NCOR1: variants seen among roughly 807,000 people sequenced by gnomAD.
NCOR1 encodes the protein nuclear receptor corepressor 1.
A neutral mutation model predicts 288.1 loss-of-function variants in NCOR1; 63 were observed. That is an observed-to-expected ratio of 0.22 (90% CI 0.18 to 0.27). The LOEUF is 0.27. NCOR1 is among the 10% of genes least tolerant of loss of function. NCOR1 has a pLI of 1.00. For missense variants in NCOR1, 2,397 were observed against 3,019.2 expected (o/e 0.79, Z 4.83); for synonymous variants, 1,007 against 1,065.9 (o/e 0.94, Z 1.08).
At chr17:16,061,287 C>T in intron 37 of NCOR1, 114 bp downstream of exon 37, 1 of 1,305,000 alleles carries the variant, frequency 7.7e-7, no homozygotes, top group Non-Finnish European at 1.0e-6. Flanking sequence ...TTTTGCATTA[C>T]ATTTACTATC....
Position 16,101,384 on chromosome 17 carries a change from C to T in NCOR1, c.2556G>A (p.Lys852=), listed in dbSNP as rs2152994627. ...CCAAATCTTCATCTCTAGGTTCCAC[C>T]TTCTCACTGGCTCTATCCAAGTCTC... The part of the protein sequence containing the change: ...KERDLDRASE[K]VEPRDEDLVV... Residue 852 remains lysine (K), a synonymous_variant, in exon 20 of 46, where the codon AAG becomes AAA. Coordinates refer to ENST00000268712, the MANE Select transcript of NCOR1 (RefSeq NM_006311.4). The T allele has an allele frequency of 6.2e-7, 1 of 1,614,238 alleles. No homozygotes were observed. The highest frequency in any genetic ancestry group is 1.6e-4 in the Middle Eastern group (1 of 6,062).
chr17:16,142,081 T>C (rs2077240464), intron 11 of NCOR1, among the ~76,000 whole-genome samples: 1 of 152,104 alleles, frequency 6.6e-6, no homozygotes, highest in Non-Finnish European at 1.5e-5. Context: ...ACCAAAGATG[T>C]AGTTAGTCCA....
rs140681478 is a variant in NCOR1, at chr17:16,086,829, A to G, written c.3017-387T>C. ...AGACATGACTGACAACCAGTTATAC[A>G]TCCTTTTTGCATCTTGCATATTGAG... is the stretch of plus-strand genomic sequence containing the variant. On this transcript the variant is annotated intron_variant, in intron 22 of 45. Coordinates refer to ENST00000268712, the MANE Select transcript of NCOR1 (RefSeq NM_006311.4). Among the ~76,000 whole-genome samples, 5 of 152,378 alleles carry G rather than the reference A, an allele frequency of 3.3e-5. No individual in the cohort carries two copies. The East Asian group carries it at 9.6e-4, about 29-fold the overall frequency.
chr17:16,106,061 C>T (rs527891049), intron 19 of NCOR1, among the ~76,000 whole-genome samples: 1 of 152,282 alleles, frequency 6.6e-6, no homozygotes, highest in African/African-American at 2.4e-5. Flanking sequence ...GATTGCAACA[C>T]TGCACTCCAG....
At chr17:16,092,534 A>G (rs2065341424) in intron 21 of NCOR1, among the ~76,000 whole-genome samples, 1 of 150,838 alleles carries the variant, frequency 6.6e-6, no homozygotes, top group Admixed American at 6.6e-5. Context: ...TAATAACAGA[A>G]ATCAAAAATC....
intron 1 of NCOR1, among the ~76,000 whole-genome samples, chr17:16,211,961 A>C (rs1205904069): frequency 6.6e-6 from 1 of 152,192 alleles, no homozygotes; most frequent in Non-Finnish European, 1.5e-5. Flanking sequence ...TGCATCCTCA[A>C]ACCTGAAAAG....
chr17:16,113,359 A>G (rs1292262177), intron 18 of NCOR1, among the ~76,000 whole-genome samples: 1 of 152,184 alleles, frequency 6.6e-6, no homozygotes, highest in African/African-American at 2.4e-5. Flanking sequence ...GTGCTTCCAC[A>G]TATGATCTAA....
intron 8 of NCOR1, 145 bp from the exon 9 acceptor site, chr17:16,149,662 C>G (rs1016050141): frequency 1.0e-5 from 4 of 399,332 alleles, no homozygotes; most frequent in African/African-American, 4.2e-5. Context: ...ATTTTTTTAC[C>G]CTGCAAAATA....
At chr17:16,093,569 C>A (rs544662132) in intron 21 of NCOR1, among the ~76,000 whole-genome samples, 2 of 152,264 alleles carry the variant, frequency 1.3e-5, no homozygotes, top group African/African-American at 4.8e-5. Context: ...TCATGAATAA[C>A]AAATATCCCT....
chr17:16,033,731 A>G (rs1025663382), intron 45 of NCOR1, among the ~76,000 whole-genome samples: 1 of 152,262 alleles, frequency 6.6e-6, no homozygotes, highest in African/African-American at 2.4e-5. Context: ...GGCACAAAAT[A>G]GAAAATAATA....
intron 39 of NCOR1, 57 bp from the exon 40 acceptor site, chr17:16,057,794 A>G: frequency 6.6e-7 from 1 of 1,521,752 alleles, no homozygotes; most frequent in East Asian, 2.4e-5. Flanking sequence ...CAAAAAAAAA[A>G]TAGTATTAAG....
chr17:16,176,242 AG>A (rs1353105078), intron 3 of NCOR1, among the ~76,000 whole-genome samples: 2 of 152,258 alleles, frequency 1.3e-5, no homozygotes, highest in Middle Eastern at 3.4e-3. Flanking sequence ...AAGAAAAAAA[AG>A]AAATTCTTTC....
At chr17:16,064,031 G>A (rs563342659) in intron 35 of NCOR1, 37 bp downstream of exon 35, 3 of 1,609,906 alleles carry the variant, frequency 1.9e-6, no homozygotes, top group South Asian at 1.1e-5. Context: ...TTACTAAGAT[G>A]TGTCCAGAGA....
At chr17:16,070,016 A>T (rs2152716788) in intron 31 of NCOR1, 149 bp downstream of exon 31, 1 of 946,152 alleles carries the variant, frequency 1.1e-6, no homozygotes, top group Non-Finnish European at 1.5e-6. Context: ...TTAAATTAGT[A>T]GCCTTCCATA....
At chr17:16,132,681 G>A (rs1282116767) in intron 14 of NCOR1, among the ~76,000 whole-genome samples, 1 of 152,010 alleles carries the variant, frequency 6.6e-6, no homozygotes, top group Non-Finnish European at 1.5e-5. Flanking sequence ...TTTCCTATGA[G>A]TCTAAGATTA....
chr17:16,071,701 T>G, intron 29 of NCOR1, 36 bp from the exon 30 acceptor site: 3 of 1,582,988 alleles, frequency 1.9e-6, no homozygotes, highest in Non-Finnish European at 2.6e-6. Flanking sequence ...AAAATAATGC[T>G]GATGGTTGCA....
At position 16,062,096 on chromosome 17, in the gene NCOR1, G is replaced by A; in HGVS notation, c.5387+9C>T. The A allele has an allele frequency of 1.2e-6, 2 of 1,609,852 alleles. No individual in the cohort carries two copies. The highest frequency in any genetic ancestry group is 1.1e-5 in the South Asian group (1 of 89,862). ...ACATTTTTTGTCAAAATATGTACAA[G>A]AGACTGACATGATTCGTAGCTGAGC... is the stretch of plus-strand genomic sequence containing the variant. On this transcript the variant is annotated intron_variant, in intron 36 of 45. Transcript: ENST00000268712.
At chr17:16,077,494 G>A (rs1260664935) in intron 26 of NCOR1, among the ~76,000 whole-genome samples, 1 of 30,656 alleles carries the variant, frequency 3.3e-5, no homozygotes, top group Non-Finnish European at 7.1e-5. Flanking sequence ...GGAGGAGAGG[G>A]GAGGAGAGGG....
intron 15 of NCOR1, among the ~76,000 whole-genome samples, chr17:16,125,223 C>T (rs960663086): frequency 8.6e-5 from 13 of 151,854 alleles, no homozygotes; most frequent in African/African-American, 2.9e-4. Flanking sequence ...ATTAGCCGGG[C>T]GTGGTGACGC....
Sources: gnomAD v4.1 joint callset for allele counts (sites outside exome capture counted in the v4.1 genomes callset) on GRCh38, gnomAD v4.1.1 for gene constraint, MANE v1.5 for transcripts, NCBI Gene and HGNC (gene_info 2026-07-23, HGNC 2026-07-21) for gene names.